The following SLC38A1 variants were observed in gnomAD, a reference collection of about 807,000 sequenced individuals.
SLC38A1 encodes the protein sodium-coupled neutral amino acid symporter 1.
SLC38A1 carries 18 observed loss-of-function variants against 60.3 expected under a neutral mutation model. The observed-to-expected ratio is 0.30, with a 90% CI of 0.21 to 0.44. SLC38A1 has a LOEUF of 0.44. Among genes scored for constraint, SLC38A1 ranks in the 20% least tolerant of loss-of-function variants. SLC38A1 has a pLI of 1.00. For synonymous variants in SLC38A1, 196 were observed against 212.1 expected (o/e 0.92, Z 0.66); for missense variants, 448 against 587.2 (o/e 0.76, Z 2.45).
intron 1 of SLC38A1, among the ~76,000 whole-genome samples, chr12:46,257,016 G>A (rs1357177644): frequency 1.3e-5 from 2 of 152,190 alleles, no homozygotes; most frequent in Admixed American, 1.3e-4. Flanking sequence ...GCCTGTGGCA[G>A]GGTGGAGAAG....
intron 1 of SLC38A1, among the ~76,000 whole-genome samples, chr12:46,244,685 A>T (rs1205861383): frequency 2.0e-5 from 3 of 152,246 alleles, no homozygotes; most frequent in Non-Finnish European, 2.9e-5. Flanking sequence ...GGAGGCACAG[A>T]TAGCATTTAA....
intron 16 of SLC38A1, among the ~76,000 whole-genome samples, chr12:46,190,451 A>C (rs976957270): frequency 3.9e-5 from 6 of 152,220 alleles, no homozygotes; most frequent in African/African-American, 1.4e-4. Context: ...GTATATACCC[A>C]GTAATGGGAT....
intron 5 of SLC38A1, among the ~76,000 whole-genome samples, chr12:46,215,749 G>A (rs1469585150): frequency 2.0e-5 from 3 of 152,118 alleles, no homozygotes; most frequent in African/African-American, 7.2e-5. Flanking sequence ...AGGGATCTGA[G>A]GCTTACTAAA....
rs1166742946 is a variant in SLC38A1, at chr12:46,268,678, G to T, written c.-361C>A. On this transcript the variant is annotated 5_prime_UTR_variant, in exon 1 of 17. Transcript: ENST00000398637. This position sits in a 1 kb window ranked among gnomAD's most constrained non-coding sequence, Gnocchi z 4.4. ...CCCGTCAGTAAGGGTTGGGCAGGGA[G>T]CTTGGCGTGGCCTGGCGGATTTCGG... 2 of 288,166 alleles carry T rather than the reference G, an allele frequency of 6.9e-6. No individual in the cohort carries two copies. Among genetic ancestry groups the T allele is most frequent in the Non-Finnish European group, 1.5e-5 (2 of 135,198 alleles). The allele number at this position is 288,166 out of a possible 1,614,324, so 17.9% of individuals were successfully genotyped here.
At chr12:46,195,936 A>T (rs1939354804) in intron 16 of SLC38A1, 1 of 442,292 alleles carries the variant, frequency 2.3e-6, no homozygotes, top group Non-Finnish European at 4.2e-6. Flanking sequence ...ACCTTGCTTC[A>T]GCTCACCTTC....
Position 46,268,856 on chromosome 12 carries a change from C to T in SLC38A1, c.-539G>A. 1 of 454,804 alleles carries T rather than the reference C, an allele frequency of 2.2e-6. No homozygotes were observed. 28.2% of individuals were successfully genotyped at this position (454,804 alleles called of 1,614,324 possible). A position where few individuals can be genotyped will look rare whatever the true frequency, so the allele number is the denominator to read the frequency against. On this transcript the variant is annotated 5_prime_UTR_variant, in exon 1 of 17. Coordinates refer to ENST00000398637, the MANE Select transcript of SLC38A1 (RefSeq NM_030674.4). The surrounding 1 kb of genome is among the most constrained non-coding windows in gnomAD (Gnocchi z 4.4). The stretch of plus-strand genomic sequence containing the variant: ...CCACTCACACTCTGCTCGCCGGCCT[C>T]GCACTTACATCGACATGCACCGGCG...
rs181452777 is a variant in SLC38A1, at chr12:46,258,238, T to G, written c.-209+10288A>C. On this transcript the variant is annotated intron_variant, in intron 1 of 16. Coordinates refer to ENST00000398637, the MANE Select transcript of SLC38A1 (RefSeq NM_030674.4). ...TTTGTGCTAACCTCTTATCTCATTC[T>G]GTGACTTAGAATGCTTTAACCATCT... Among the ~76,000 whole-genome samples, 270 of 152,346 alleles carry G rather than the reference T, an allele frequency of 1.8e-3. 1 individual carries two copies. The highest frequency in any genetic ancestry group is 2.5e-3 in the Non-Finnish European group (171 of 68,040).
intron 1 of SLC38A1, among the ~76,000 whole-genome samples, chr12:46,252,816 G>A (rs1941898183): frequency 1.3e-5 from 2 of 151,932 alleles, no homozygotes; most frequent in African/African-American, 4.8e-5. Context: ...GCCCATGGAT[G>A]TGAATGGATA....
At chr12:46,225,358 C>G (rs551170368) in intron 5 of SLC38A1, among the ~76,000 whole-genome samples, 2 of 152,254 alleles carry the variant, frequency 1.3e-5, no homozygotes, top group Admixed American at 6.5e-5. Context: ...ATCCTGGCAA[C>G]AATCTGAATA....
chr12:46,220,762 G>A (rs1238480525), intron 5 of SLC38A1, among the ~76,000 whole-genome samples: 1 of 152,184 alleles, frequency 6.6e-6, no homozygotes, highest in African/African-American at 2.4e-5. Context: ...ATAAAGGTAT[G>A]CTGCAATCTC....
At chr12:46,201,338 A>G (rs1939650243) in intron 12 of SLC38A1, 140 bp from the exon 13 acceptor site, 1 of 671,400 alleles carries the variant, frequency 1.5e-6, no homozygotes, top group Non-Finnish European at 2.6e-6. Context: ...CCTGGCAGTT[A>G]TGCCAGTTGA....
chr12:46,261,355 G>T (rs769102596), intron 1 of SLC38A1, among the ~76,000 whole-genome samples: 7 of 152,078 alleles, frequency 4.6e-5, no homozygotes, highest in Non-Finnish European at 8.8e-5. Context: ...TTACTCACTG[G>T]CTTATAGCAA....
At chr12:46,238,764 C>T (rs1941342308) in intron 3 of SLC38A1, among the ~76,000 whole-genome samples, 1 of 152,196 alleles carries the variant, frequency 6.6e-6, no homozygotes, top group East Asian at 1.9e-4. Flanking sequence ...TGGGAGCTTC[C>T]AGGCCAGCAC....
At chr12:46,252,904 G>T (rs759396881) in intron 1 of SLC38A1, among the ~76,000 whole-genome samples, 2 of 150,124 alleles carry the variant, frequency 1.3e-5, no homozygotes, top group Non-Finnish European at 2.9e-5. Context: ...CCACAACCTG[G>T]ATGAATCTGG....
At chr12:46,208,915 C>T (rs1940027200) in intron 6 of SLC38A1, 139 bp downstream of exon 6, 2 of 625,334 alleles carry the variant, frequency 3.2e-6, no homozygotes, top group South Asian at 4.0e-5. Context: ...TACTATAGGT[C>T]TTCCAATCAC....
chr12:46,234,832 A>C (rs981067908), intron 3 of SLC38A1, among the ~76,000 whole-genome samples: 1 of 152,220 alleles, frequency 6.6e-6, no homozygotes, highest in African/African-American at 2.4e-5. Context: ...CTGTCTCACC[A>C]TTTAAAAGAT....
chr12:46,205,071 G>A (rs572194404), intron 9 of SLC38A1, among the ~76,000 whole-genome samples: 7 of 152,268 alleles, frequency 4.6e-5, no homozygotes, highest in African/African-American at 1.2e-4. Context: ...TAGATGAAGC[G>A]AATTTCTAGT....
intron 1 of SLC38A1, among the ~76,000 whole-genome samples, chr12:46,258,226 C>G (rs927900310): frequency 4.6e-5 from 7 of 152,166 alleles, no homozygotes; most frequent in African/African-American, 1.7e-4. Context: ...GTGCTAACCT[C>G]TTATCTCATT....
chr12:46,243,351 A>T (rs903934458), intron 1 of SLC38A1, 37 bp from the exon 2 acceptor site: 1 of 152,364 alleles, frequency 6.6e-6, no homozygotes, highest in Non-Finnish European at 1.5e-5. Context: ...TAAAAAATAT[A>T]TACACATTTA....
Sources: gnomAD v4.1 joint callset for allele counts (sites outside exome capture counted in the v4.1 genomes callset) on GRCh38, gnomAD v4.1.1 for gene constraint, Gnocchi (gnomAD v3.1) non-coding constraint, MANE v1.5 for transcripts, NCBI Gene and HGNC (gene_info 2026-07-23, HGNC 2026-07-21) for gene names.